The following TRRAP variants were observed in gnomAD, a reference collection of about 807,000 sequenced individuals.
TRRAP encodes the protein transformation/transcription domain associated protein.
In TRRAP, 41 loss-of-function variants were observed where a neutral mutation model predicts 438.8. That is an observed-to-expected ratio of 0.09 (90% CI 0.07 to 0.12). The LOEUF (loss-of-function observed/expected upper bound fraction) is 0.12, where lower values mean the gene tolerates loss of function less well. TRRAP is among the 10% of genes least tolerant of loss of function. The pLI, the probability that TRRAP is intolerant of heterozygous loss-of-function variation, is 1.00. For synonymous variants in TRRAP, 1,994 were observed against 1,962.9 expected, an observed-to-expected ratio of 1.02 and a Z score of -0.42; for missense variants, 3,122 against 5,055.1, an observed-to-expected ratio of 0.62 and a Z score of 11.60.
chr7:98,983,540 G>T (rs778840268), intron 60 of TRRAP, 81 bp downstream of exon 60: 1 of 1,477,540 alleles, frequency 6.8e-7, no homozygotes, highest in Admixed American at 2.2e-5. Context: ...CTGTGTTTTG[G>T]TTTGGTTTGG....
chr7:98,999,777 G>A lies in TRRAP; in HGVS notation c.10310-4413G>A, dbSNP rs993195129. Reference sequence around the variant, plus strand: ...TCTGGGGGCACTCATCTGAATTGCCGCTCACAAATAACTTGAAGTTCTGTG... The same window carrying A: ...TCTGGGGGCACTCATCTGAATTGCCACTCACAAATAACTTGAAGTTCTGTG... On this transcript the variant is annotated intron_variant, in intron 67 of 72. Transcript: ENST00000456197. 13 of 567,512 alleles carry A rather than the reference G, an allele frequency of 2.3e-5. No individual in the cohort carries two copies. In the Admixed American group the frequency reaches 2.4e-4, roughly 10 times the overall value. The allele number at this position is 567,512 out of a possible 1,614,324, so 35.2% of individuals were successfully genotyped here.
Position 99,011,467 on chromosome 7 carries a change from G to A in TRRAP, c.11269G>A (p.Gly3757Arg), listed in dbSNP as rs755639185. The A allele has an allele frequency of 6.8e-6, 11 of 1,614,120 alleles. No homozygotes were observed. The highest frequency in any genetic ancestry group is 2.2e-5 in the East Asian group (1 of 44,900). ...PNISEFLTTI[G>R]VSGPLTASMI... ...CATTTCTGAGTTTCTGACCACCATC[G>A]GGGTCTCCGGCCCGTTGACAGCGTC... Residue 3757 changes from glycine (G) to arginine (R), a missense_variant, in exon 72 of 73, where the codon GGG (glycine) becomes AGG (arginine). This residue lies in a region of TRRAP where 192 missense variants were observed against 355.6 expected (regional missense o/e 0.54). Coordinates refer to ENST00000456197, the MANE Select transcript of TRRAP (RefSeq NM_001375524.1). This position sits in a 1 kb window ranked among gnomAD's most constrained non-coding sequence, Gnocchi z 7.1.
intron 45 of TRRAP, 146 bp downstream of exon 45, chr7:98,959,636 C>T: frequency 8.4e-7 from 1 of 1,191,564 alleles, no homozygotes; most frequent in Non-Finnish European, 1.2e-6. Flanking sequence ...CAGTCATGGC[C>T]TCTCCCACAT....
At chr7:98,941,741 A>G (rs781840637) in intron 30 of TRRAP, among the ~76,000 whole-genome samples, 1 of 152,096 alleles carries the variant, frequency 6.6e-6, no homozygotes, top group Non-Finnish European at 1.5e-5. Context: ...GTATTATTGT[A>G]TGCATTTCTC....
intron 17 of TRRAP, 73 bp downstream of exon 17, chr7:98,911,344 A>G (rs1400099471): frequency 7.3e-7 from 1 of 1,366,770 alleles, no homozygotes; most frequent in Non-Finnish European, 9.8e-7. Flanking sequence ...TTTTTCATTT[A>G]TTTCAAGGAT....
At chr7:98,991,598 G>A (rs1793436597) in intron 64 of TRRAP, among the ~76,000 whole-genome samples, 1 of 152,202 alleles carries the variant, frequency 6.6e-6, no homozygotes, top group African/African-American at 2.4e-5. Context: ...GGCACATTCT[G>A]AAAGATTCAA....
In TRRAP at chr7:98,963,136, G is replaced by A. The variant is rs1340395812; in HGVS notation, c.6829+709G>A. On this transcript the variant is annotated intron_variant, in intron 47 of 72. Coordinates refer to ENST00000456197, the MANE Select transcript of TRRAP (RefSeq NM_001375524.1). ...AGTGATTATCATATTCTATACACAC[G>A]TATACAAATACCTATATAGATAGCC... 5.9e-5 allele frequency among the ~76,000 whole-genome samples: 9 copies of A among 152,140 alleles called. No homozygotes were observed. The East Asian group carries it at 9.6e-4, about 16-fold the overall frequency.
intron 67 of TRRAP, among the ~76,000 whole-genome samples, chr7:98,995,862 C>T (rs1374467568): frequency 6.8e-6 from 1 of 147,050 alleles, no homozygotes; most frequent in East Asian, 2.0e-4. Context: ...ATCCCATTTA[C>T]ACACGCATGT....
Position 98,930,067 on chromosome 7 carries a change from A to G in TRRAP, c.3254A>G (p.Lys1085Arg). ...TTTCACAGTGAAGAAAATGGCTCGA[A>G]AGGAATGGATCCTTTGGTTCTCATT... The part of the protein sequence containing the change: ...AMFHSEENGS[K>R]GMDPLVLIDA... The change falls in exon 24 of 73, where the codon AAA (lysine) becomes AGA (arginine). Residue 1085 changes from lysine (K) to arginine (R), a missense_variant. Around this residue, in one of 24 missense-constraint regions of TRRAP, gnomAD observed 54 missense variants for 74.6 expected, o/e 0.72. Coordinates refer to ENST00000456197, the MANE Select transcript of TRRAP (RefSeq NM_001375524.1). 6.2e-7 allele frequency: 1 copy of G among 1,614,212 alleles called. No individual in the cohort carries two copies. Among genetic ancestry groups the G allele is most frequent in the Non-Finnish European group, 8.5e-7 (1 of 1,180,044 alleles).
At chr7:98,997,754 A>G (rs1445891877) in intron 67 of TRRAP, among the ~76,000 whole-genome samples, 1 of 152,202 alleles carries the variant, frequency 6.6e-6, no homozygotes, top group South Asian at 2.1e-4. Flanking sequence ...AATGTGGAAC[A>G]AACGTAGCAA....
intron 13 of TRRAP, among the ~76,000 whole-genome samples, chr7:98,907,400 A>G (rs984951765): frequency 4.6e-5 from 7 of 152,236 alleles, no homozygotes; most frequent in Admixed American, 1.3e-4. Flanking sequence ...ACATTATAAA[A>G]TGAATCAATG....
intron 53 of TRRAP, among the ~76,000 whole-genome samples, chr7:98,974,598 G>C (rs1792567824): frequency 6.6e-6 from 1 of 152,160 alleles, no homozygotes; most frequent in Non-Finnish European, 1.5e-5. Flanking sequence ...CTGTAATCCT[G>C]AGACACAAAA....
intron 20 of TRRAP, among the ~76,000 whole-genome samples, chr7:98,920,676 C>T (rs1584312937): frequency 6.6e-6 from 1 of 152,222 alleles, no homozygotes; most frequent in East Asian, 1.9e-4. Context: ...CTGTGTTTTT[C>T]CTTTGCCACC....
At chr7:98,949,612 C>A in intron 36 of TRRAP, 31 bp downstream of exon 36, 1 of 1,590,406 alleles carries the variant, frequency 6.3e-7, no homozygotes, top group Non-Finnish European at 8.6e-7. Context: ...CCCCAATGCC[C>A]AGGGGTTTAA....
intron 12 of TRRAP, among the ~76,000 whole-genome samples, chr7:98,905,489 C>T (rs371165499): frequency 9.9e-5 from 15 of 152,168 alleles, no homozygotes; most frequent in South Asian, 4.1e-4. Flanking sequence ...GACATGCTGT[C>T]GCTGCCCCAT....
At chr7:98,885,121 TAAA>T in intron 3 of TRRAP, among the ~76,000 whole-genome samples, 1 of 152,170 alleles carries the variant, frequency 6.6e-6, no homozygotes, top group East Asian at 1.9e-4. Context: ...TTTATTAGAT[TAAA>T]AAAAATTTTA....
Position 98,993,594 on chromosome 7 carries a change from C to G in TRRAP, c.9904C>G (p.Pro3302Ala). Residue 3302 changes from proline to alanine, a missense_variant, in exon 66 of 73, where the codon CCA (proline) becomes GCA (alanine). This residue lies in a region of TRRAP where 107 missense variants were observed against 327.5 expected (regional missense o/e 0.33). Coordinates refer to ENST00000456197, the MANE Select transcript of TRRAP (RefSeq NM_001375524.1). ...VGNQSHSASD[P>A]GPIRATAPMW... ...TAACCAGTCCCATTCTGCATCAGAT[C>G]CAGGGCCCATAAGAGCAACAGCACC... The G allele has an allele frequency of 6.2e-7, 1 of 1,614,084 alleles. No homozygotes were observed. The highest frequency in any genetic ancestry group is 2.2e-5 in the East Asian group (1 of 44,890).
At chr7:98,935,503 T>G in intron 27 of TRRAP, 76 bp from the exon 28 acceptor site, 1 of 1,276,016 alleles carries the variant, frequency 7.8e-7, no homozygotes, top group South Asian at 1.4e-5. Context: ...GGAAGATTGC[T>G]GTGTTCTGTT....
At chr7:98,905,302 G>C (rs782399594) in intron 12 of TRRAP, among the ~76,000 whole-genome samples, 2 of 152,168 alleles carry the variant, frequency 1.3e-5, no homozygotes, top group African/African-American at 2.4e-5. Flanking sequence ...CTAGAGATGT[G>C]CATCTTGCAC....
Sources: allele counts gnomAD v4.1 joint callset (sites outside exome capture counted in the v4.1 genomes callset), GRCh38; gene constraint gnomAD v4.1.1; regional missense constraint gnomAD v4.1.1; non-coding constraint Gnocchi (gnomAD v3.1); transcripts MANE v1.5; gene names NCBI Gene and HGNC (gene_info 2026-07-23, HGNC 2026-07-21).